ZNF407: variants seen among roughly 807,000 people sequenced by gnomAD.
The protein encoded by ZNF407 is zinc finger protein 407.
A neutral mutation model predicts 131.2 loss-of-function variants in ZNF407; 17 were observed. That is an observed-to-expected ratio of 0.13 (90% confidence interval 0.09 to 0.19). ZNF407 has a LOEUF of 0.19. Among genes scored for constraint, ZNF407 ranks in the 10% least tolerant of loss-of-function variants. The pLI is 1.00. For missense variants in ZNF407, 2,681 were observed against 2,830.6 expected (o/e 0.95, Z 1.20); for synonymous variants, 1,156 against 1,062.0 (o/e 1.09, Z -1.72).
chr18:74,837,755 C>T (rs1970578100), intron 4 of ZNF407, among the ~76,000 whole-genome samples: 1 of 152,124 alleles, frequency 6.6e-6, no homozygotes, highest in Non-Finnish European at 1.5e-5. Context: ...TGGGCTCAAG[C>T]AGTCCTCCCA....
chr18:74,653,852 C>G (rs1213961541), intron 3 of ZNF407, among the ~76,000 whole-genome samples: 1 of 151,724 alleles, frequency 6.6e-6, no homozygotes, highest in Admixed American at 6.6e-5. Flanking sequence ...ATGATTTTAG[C>G]TATTTTTTAG....
intron 3 of ZNF407, among the ~76,000 whole-genome samples, chr18:74,759,133 A>AT (rs1329810287): frequency 1.3e-5 from 2 of 151,336 alleles, no homozygotes; most frequent in South Asian, 2.1e-4. Context: ...GATGACAGTA[A>AT]TTTTTTTTCA....
At chr18:74,879,550 A>G (rs980372207) in intron 5 of ZNF407, among the ~76,000 whole-genome samples, 17 of 152,226 alleles carry the variant, frequency 1.1e-4, no homozygotes, top group African/African-American at 4.1e-4. Flanking sequence ...CTAGTTAGAA[A>G]GATTTATTTC....
intron 3 of ZNF407, among the ~76,000 whole-genome samples, chr18:74,645,118 G>A (rs1210252834): frequency 3.6e-5 from 5 of 138,604 alleles, no homozygotes; most frequent in African/African-American, 1.6e-4. Flanking sequence ...TCATTCATGT[G>A]TTGATTATTG....
intron 3 of ZNF407, among the ~76,000 whole-genome samples, chr18:74,774,774 G>A (rs571228538): frequency 6.6e-6 from 1 of 152,290 alleles, no homozygotes; most frequent in Admixed American, 6.5e-5. Context: ...TACTGAGTCA[G>A]TATTTTCTTG....
At chr18:74,759,095 T>G (rs998298224) in intron 3 of ZNF407, among the ~76,000 whole-genome samples, 2 of 152,182 alleles carry the variant, frequency 1.3e-5, no homozygotes, top group East Asian at 1.9e-4. Flanking sequence ...TGTTTTCATT[T>G]GTACTGTTTT....
chr18:74,788,610 T>C (rs1261532231), intron 4 of ZNF407, among the ~76,000 whole-genome samples: 4 of 142,030 alleles, frequency 2.8e-5, no homozygotes, highest in African/African-American at 1.0e-4. Flanking sequence ...ATCTTGGTTA[T>C]CTTGAAAAAA....
intron 3 of ZNF407, among the ~76,000 whole-genome samples, chr18:74,665,339 C>G (rs1047942805): frequency 6.6e-6 from 1 of 152,150 alleles, no homozygotes; most frequent in African/African-American, 2.4e-5. Flanking sequence ...CTTCACTTTC[C>G]ACATTATCTC....
At chr18:74,749,238 G>A (rs533121864) in intron 3 of ZNF407, among the ~76,000 whole-genome samples, 4 of 152,178 alleles carry the variant, frequency 2.6e-5, no homozygotes, top group South Asian at 2.1e-4. Flanking sequence ...TGAGAGCATC[G>A]CGTGTACAGG....
chr18:74,765,949 C>T (rs1969219974), intron 3 of ZNF407, among the ~76,000 whole-genome samples: 1 of 151,888 alleles, frequency 6.6e-6, no homozygotes, highest in African/African-American at 2.4e-5. Context: ...ATCTTCTAAA[C>T]CCCAAATCAG....
At chr18:74,726,073 A>G (rs1378602607) in intron 3 of ZNF407, among the ~76,000 whole-genome samples, 2 of 152,186 alleles carry the variant, frequency 1.3e-5, no homozygotes, top group Non-Finnish European at 2.9e-5. Context: ...AATAATGGTA[A>G]TATACTACAT....
At chr18:74,755,088 C>T (rs1257750007) in intron 3 of ZNF407, among the ~76,000 whole-genome samples, 1 of 152,130 alleles carries the variant, frequency 6.6e-6, no homozygotes, top group Non-Finnish European at 1.5e-5. Context: ...GAATTGATCC[C>T]TTTACCATTA....
Position 74,986,267 on chromosome 18 carries a change from G to C in ZNF407, c.5428+65575G>C, listed in dbSNP as rs17056083. On this transcript the variant is annotated intron_variant, in intron 8 of 8. Transcript: ENST00000299687. ...GAAATAGGAATAAATGTGAGCTCTC[G>C]GTGGGAATAGTTAACATACTTTAGG... Among the ~76,000 whole-genome samples, 632 of 151,914 alleles carry C rather than the reference G, an allele frequency of 4.2e-3. 5 individuals carry two copies. Among genetic ancestry groups the C allele is most frequent in the African/African-American group, 0.014 (583 of 41,388 alleles).
chr18:75,012,886 T>TTTTTG lies in ZNF407; in HGVS notation c.5429-50249_5429-50245dup, dbSNP rs528717155. On this transcript the variant is annotated intron_variant, in intron 8 of 8. Coordinates refer to ENST00000299687, the MANE Select transcript of ZNF407 (RefSeq NM_017757.3). ...TACTGGCTCCTTAGAGAGGTTTGTT[T>TTTTTG]TTTTGTTTTGTTTTGTTTTTTCAAA... Among the ~76,000 whole-genome samples, 277 of 152,030 alleles carry TTTTTG rather than the reference T, an allele frequency of 1.8e-3. 3 individuals carry two copies. The highest frequency in any genetic ancestry group is 6.4e-3 in the African/African-American group (267 of 41,494).
chr18:75,011,826 G>C (rs1350007258), intron 8 of ZNF407, among the ~76,000 whole-genome samples: 1 of 152,066 alleles, frequency 6.6e-6, no homozygotes. Context: ...TGGTATATTT[G>C]TTTGAAATAC....
chr18:74,860,213 C>A (rs1970917957), intron 4 of ZNF407, among the ~76,000 whole-genome samples: 1 of 151,896 alleles, frequency 6.6e-6, no homozygotes, highest in African/African-American at 2.4e-5. Flanking sequence ...AGGAGGATCC[C>A]TTGAGCCTGG....
At chr18:74,831,179 T>C (rs1226594842) in intron 4 of ZNF407, among the ~76,000 whole-genome samples, 3 of 152,238 alleles carry the variant, frequency 2.0e-5, no homozygotes, top group Non-Finnish European at 4.4e-5. Flanking sequence ...CTTCTGCTGT[T>C]GGACACCTAG....
intron 8 of ZNF407, among the ~76,000 whole-genome samples, chr18:75,042,034 G>A (rs1973379586): frequency 6.7e-6 from 1 of 150,268 alleles, no homozygotes; most frequent in Admixed American, 6.6e-5. Context: ...CTTGCCCTTT[G>A]AATTAGCCTT....
At chr18:74,699,443 A>G (rs1045946479) in intron 3 of ZNF407, among the ~76,000 whole-genome samples, 2 of 152,134 alleles carry the variant, frequency 1.3e-5, no homozygotes, top group Non-Finnish European at 2.9e-5. Flanking sequence ...AGCCCAGAGT[A>G]GCTATTTTGG....
Sources: gnomAD v4.1 joint callset for allele counts (sites outside exome capture counted in the v4.1 genomes callset) on GRCh38, gnomAD v4.1.1 for gene constraint, MANE v1.5 for transcripts, NCBI Gene and HGNC (gene_info 2026-07-23, HGNC 2026-07-21) for gene names.